TXNDC16: variants seen among roughly 807,000 people sequenced by gnomAD.
TXNDC16 encodes thioredoxin domain-containing protein 16.
In TXNDC16, 74 loss-of-function variants were observed where a neutral mutation model predicts 85.6. The observed-to-expected ratio is 0.86, with a 90% confidence interval of 0.72 to 1.05. TXNDC16 has a LOEUF of 1.05. TXNDC16 is among the 50% of genes least tolerant of loss of function. TXNDC16 has a pLI of 0.00. For synonymous variants in TXNDC16, 335 were observed against 326.5 expected (o/e 1.03, Z -0.28); for missense variants, 959 against 947.0 (o/e 1.01, Z -0.17).
chr14:52,499,615 A>G (rs891637091), intron 9 of TXNDC16, among the ~76,000 whole-genome samples: 2 of 151,768 alleles, frequency 1.3e-5, no homozygotes, highest in African/African-American at 4.8e-5. Context: ...CTATCAAAAA[A>G]AAAAAAAGAA....
chr14:52,550,862 C>T (rs2038028075), intron 1 of TXNDC16, among the ~76,000 whole-genome samples: 1 of 152,172 alleles, frequency 6.6e-6, no homozygotes, highest in Admixed American at 6.5e-5. Flanking sequence ...TCACTGCTGT[C>T]ATGAGCATCC....
At chr14:52,551,419 G>A (rs772310048) in intron 1 of TXNDC16, among the ~76,000 whole-genome samples, 2 of 147,814 alleles carry the variant, frequency 1.4e-5, no homozygotes, top group African/African-American at 2.5e-5. Context: ...GTGGAGGTTT[G>A]TAGTGAACTG....
At position 52,490,416 on chromosome 14, in the gene TXNDC16, T is replaced by A. The variant is rs538765581; in HGVS notation, c.959A>T (p.Asn320Ile). The A allele has an allele frequency of 6.2e-7, 1 of 1,602,594 alleles. No homozygotes were observed. The highest frequency in any genetic ancestry group is 2.3e-5 in the East Asian group (1 of 44,248). ...SLEVNIPQDA[N>I]VVFKRAEEGV... Reference sequence around the variant, plus strand: ...CTCTTCTGCTCTTTTGAAGACCACATTAGCATCTTGAGGAATGTTCACTTC... The same window carrying A: ...CTCTTCTGCTCTTTTGAAGACCACAATAGCATCTTGAGGAATGTTCACTTC... Residue 320 changes from asparagine to isoleucine, a missense_variant, in exon 11 of 21, where the codon AAT (asparagine) becomes ATT (isoleucine). Physicochemically the swap from Asn to Ile is moderately radical, Grantham distance 149. Coordinates refer to ENST00000281741, the MANE Select transcript of TXNDC16 (RefSeq NM_020784.3).
chr14:52,484,781 T>G (rs560423181), intron 12 of TXNDC16, among the ~76,000 whole-genome samples: 8 of 152,210 alleles, frequency 5.3e-5, no homozygotes, highest in African/African-American at 1.9e-4. Flanking sequence ...CTTGGGAGGC[T>G]GAGGCAGAAC....
intron 9 of TXNDC16, among the ~76,000 whole-genome samples, chr14:52,494,316 T>C (rs1349499201): frequency 6.6e-6 from 1 of 152,098 alleles, no homozygotes; most frequent in Non-Finnish European, 1.5e-5. Context: ...AGAAGTCTGC[T>C]GTAACACACT....
intron 9 of TXNDC16, among the ~76,000 whole-genome samples, chr14:52,509,732 A>G (rs1267762881): frequency 6.6e-6 from 1 of 152,074 alleles, no homozygotes; most frequent in Non-Finnish European, 1.5e-5. Context: ...TAATCCCAGC[A>G]CTTTGGGAGG....
At chr14:52,447,008 C>T (rs529798205) in intron 18 of TXNDC16, among the ~76,000 whole-genome samples, 1 of 151,576 alleles carries the variant, frequency 6.6e-6, no homozygotes, top group South Asian at 2.1e-4. Flanking sequence ...GAGACTCCTT[C>T]TGCTTGAGAA....
At chr14:52,526,553 T>C (rs535553217) in intron 6 of TXNDC16, among the ~76,000 whole-genome samples, 1 of 152,330 alleles carries the variant, frequency 6.6e-6, no homozygotes, top group South Asian at 2.1e-4. Flanking sequence ...ATTCTAAGCT[T>C]GTTTCCTTTT....
intron 8 of TXNDC16, 139 bp downstream of exon 8, chr14:52,514,741 A>G (rs1202148848): frequency 3.3e-6 from 2 of 602,048 alleles, no homozygotes; most frequent in Non-Finnish European, 5.8e-6. Flanking sequence ...TTCAGGTTTC[A>G]TTTATATATT....
intron 9 of TXNDC16, among the ~76,000 whole-genome samples, chr14:52,498,233 T>C (rs536579261): frequency 2.6e-5 from 4 of 152,250 alleles, no homozygotes; most frequent in Non-Finnish European, 5.9e-5. Flanking sequence ...TCTAAGACCA[T>C]GAACAAGTCA....
At chr14:52,467,708 A>T (rs564747914) in intron 16 of TXNDC16, among the ~76,000 whole-genome samples, 2 of 152,338 alleles carry the variant, frequency 1.3e-5, no homozygotes, top group Non-Finnish European at 2.9e-5. Context: ...AAAAACTAAA[A>T]ACAGAATTAC....
chr14:52,450,451 GA>G (rs58802501), intron 18 of TXNDC16, among the ~76,000 whole-genome samples: 1,382 of 118,314 alleles, frequency 0.012, 18 homozygotes, highest in African/African-American at 0.035. Context: ...AAGGCTTCCA[GA>G]AAAAAAAAAA....
intron 20 of TXNDC16, among the ~76,000 whole-genome samples, chr14:52,434,919 T>G (rs2034990828): frequency 6.6e-6 from 1 of 152,158 alleles, no homozygotes; most frequent in Non-Finnish European, 1.5e-5. Flanking sequence ...TTAACAAAAT[T>G]GCAATAGAAG....
chr14:52,432,603 A>C lies in TXNDC16; in HGVS notation c.2195-16T>G. 6.3e-7 allele frequency: 1 copy of C among 1,587,576 alleles called. No individual in the cohort carries two copies. The highest frequency in any genetic ancestry group is 1.2e-5 in the South Asian group (1 of 85,934). ...GGTAAAATTGCTGGAAGGAAGAAAC[A>C]ATCAAAGGTTAAAGATTAACAGCTA... On this transcript the variant is annotated splice_polypyrimidine_tract_variant and intron_variant, in intron 20 of 20. Transcript: ENST00000281741.
intron 11 of TXNDC16, among the ~76,000 whole-genome samples, chr14:52,489,485 T>A (rs2036351839): frequency 6.6e-6 from 1 of 152,206 alleles, no homozygotes; most frequent in Non-Finnish European, 1.5e-5. Flanking sequence ...TATCTTCATT[T>A]TTTTAACATT....
At chr14:52,466,739 C>T (rs1455005355) in intron 16 of TXNDC16, among the ~76,000 whole-genome samples, 1 of 151,542 alleles carries the variant, frequency 6.6e-6, no homozygotes, top group African/African-American at 2.4e-5. Context: ...TGGTGGCAGG[C>T]TCCTGTAGTC....
intron 1 of TXNDC16, among the ~76,000 whole-genome samples, chr14:52,548,675 A>G (rs1044915153): frequency 5.3e-5 from 8 of 152,246 alleles, no homozygotes; most frequent in South Asian, 2.1e-4. Flanking sequence ...TGAGGTCAGG[A>G]GTTCGAGACC....
chr14:52,435,851 T>C (rs1427290052), intron 20 of TXNDC16, among the ~76,000 whole-genome samples: 1 of 151,898 alleles, frequency 6.6e-6, no homozygotes, highest in Non-Finnish European at 1.5e-5. Context: ...TGGTGGTGCA[T>C]GCATGTAGTC....
At chr14:52,458,409 T>G (rs1029743378) in intron 16 of TXNDC16, among the ~76,000 whole-genome samples, 2 of 152,086 alleles carry the variant, frequency 1.3e-5, no homozygotes, top group African/African-American at 4.8e-5. Flanking sequence ...ATACAAAAAT[T>G]AGCTGGGCAT....
Sources: gnomAD v4.1 joint callset for allele counts (sites outside exome capture counted in the v4.1 genomes callset) on GRCh38, gnomAD v4.1.1 for gene constraint, MANE v1.5 for transcripts, NCBI Gene and HGNC (gene_info 2026-07-23, HGNC 2026-07-21) for gene names.